The following SPSB1 variants were observed in gnomAD, a reference collection of about 807,000 sequenced individuals.
SPSB1 encodes SPRY domain-containing SOCS box protein 1.
In SPSB1, 8 loss-of-function variants were observed where a neutral mutation model predicts 21.2. The ratio of observed to expected loss-of-function variants is 0.38; its 90% CI spans 0.22 to 0.68. SPSB1 has a LOEUF of 0.68. SPSB1 is among the 30% of genes least tolerant of loss of function. The pLI, the probability that SPSB1 is intolerant of heterozygous loss-of-function variation, is 0.53. For synonymous variants in SPSB1, 169 were observed against 161.7 expected (o/e 1.05, Z -0.34); for missense variants, 242 against 377.8 (o/e 0.64, Z 2.98).
rs372887775 is a variant in SPSB1 at position 9,293,975 on chromosome 1, AGTGT to A, written c.-150+912_-150+915del. Among the ~76,000 whole-genome samples the A allele has an allele frequency of 1.3e-5, 2 of 149,166 alleles. No individual in the cohort carries two copies. Among genetic ancestry groups the A allele is most frequent in the Non-Finnish European group, 3.0e-5 (2 of 67,104 alleles). On this transcript the variant is annotated intron_variant, in intron 1 of 2. Transcript: ENST00000328089. This position sits in a 1 kb window ranked among gnomAD's most constrained non-coding sequence, Gnocchi z 5.1. ...GCATCTGTGTATTTATGTGCCTCTG[AGTGT>A]GTGTGTGAGTCTGTGTGTCTGTCAA...
intron 1 of SPSB1, among the ~76,000 whole-genome samples, chr1:9,352,518 C>T (rs546755351): frequency 1.3e-5 from 2 of 152,334 alleles, no homozygotes; most frequent in African/African-American, 4.8e-5. Flanking sequence ...ACAGCAGAGA[C>T]TGTCTGGCCC....
chr1:9,334,872 A>C (rs553088076), intron 1 of SPSB1, among the ~76,000 whole-genome samples: 1 of 152,360 alleles, frequency 6.6e-6, no homozygotes, highest in East Asian at 1.9e-4. Flanking sequence ...ATGTATCAAA[A>C]TGTCCTTCCG....
intron 1 of SPSB1, among the ~76,000 whole-genome samples, chr1:9,343,990 G>C (rs201449650): frequency 2.6e-5 from 4 of 152,072 alleles, no homozygotes; most frequent in Non-Finnish European, 5.9e-5. Context: ...GGGTTTCACC[G>C]TGTTAGCCAG....
At chr1:9,306,922 CT>C (rs148338920) in intron 1 of SPSB1, among the ~76,000 whole-genome samples, 1 of 133,186 alleles carries the variant, frequency 7.5e-6, no homozygotes, top group Non-Finnish European at 1.7e-5. Flanking sequence ...TACTTTTCTT[CT>C]TTTCTTCTTT....
At chr1:9,331,371 C>A (rs1002384771) in intron 1 of SPSB1, among the ~76,000 whole-genome samples, 11 of 118,774 alleles carry the variant, frequency 9.3e-5, no homozygotes, top group African/African-American at 3.7e-4. Flanking sequence ...ACTCTTGTTG[C>A]CCAGGCTGGA....
chr1:9,329,303 TGGACAGGC>T (rs1639875349), intron 1 of SPSB1, among the ~76,000 whole-genome samples: 1 of 151,682 alleles, frequency 6.6e-6, no homozygotes, highest in African/African-American at 2.4e-5. Flanking sequence ...GGTGGACAGG[TGGACAGGC>T]GGATGGGTGG....
At position 9,317,057 on chromosome 1, in the gene SPSB1, G is replaced by A. The variant is rs574746070; in HGVS notation, c.-150+23986G>A. 6.6e-6 allele frequency among the ~76,000 whole-genome samples: 1 copy of A among 152,212 alleles called. No homozygotes were observed. Among genetic ancestry groups the A allele is most frequent in the African/African-American group, 2.4e-5 (1 of 41,456 alleles). On this transcript the variant is annotated intron_variant, in intron 1 of 2. Transcript: ENST00000328089. This position sits in a 1 kb window ranked among gnomAD's most constrained non-coding sequence, Gnocchi z 4.3. ...GAATTTAGAATCCTTAACCTGGCCT[G>A]TGAGGGTTTGCTTCCGGTGCTCTCG...
intron 1 of SPSB1, among the ~76,000 whole-genome samples, chr1:9,304,422 C>G (rs577374846): frequency 2.0e-5 from 3 of 152,276 alleles, no homozygotes; most frequent in African/African-American, 7.2e-5. Context: ...ATGGGTTTTG[C>G]ATCTCTGGAG....
In SPSB1 at chr1:9,305,495, G is replaced by A. The variant is rs1639395898; in HGVS notation, c.-150+12424G>A. The stretch of plus-strand genomic sequence containing the variant: ...GTAGTTAGGTCCACAGTAGGTTCTT[G>A]GACACCTGTCGGATGAAGGAGTAGG... On this transcript the variant is annotated intron_variant, in intron 1 of 2. Transcript: ENST00000328089. The surrounding 1 kb of genome is among the most constrained non-coding windows in gnomAD (Gnocchi z 4.8). Among the ~76,000 whole-genome samples the A allele has an allele frequency of 6.6e-6, 1 of 151,978 alleles. No individual in the cohort carries two copies. Among genetic ancestry groups the A allele is most frequent in the African/African-American group, 2.4e-5 (1 of 41,330 alleles).
chr1:9,362,049 C>G (rs991588600), intron 2 of SPSB1, among the ~76,000 whole-genome samples: 1 of 152,234 alleles, frequency 6.6e-6, no homozygotes, highest in African/African-American at 2.4e-5. Flanking sequence ...GTTGAAGGTT[C>G]AGGGAAGGTC....
At chr1:9,351,021 C>A (rs912470735) in intron 1 of SPSB1, among the ~76,000 whole-genome samples, 6 of 152,246 alleles carry the variant, frequency 3.9e-5, no homozygotes, top group African/African-American at 1.4e-4. Flanking sequence ...GGGTGGTACA[C>A]ACCCCCTGTC....
chr1:9,327,991 G>A (rs1639844206), intron 1 of SPSB1, among the ~76,000 whole-genome samples: 1 of 152,242 alleles, frequency 6.6e-6, no homozygotes, highest in Admixed American at 6.5e-5. Context: ...GACCTTGGAT[G>A]GTGAATGGAG....
chr1:9,321,758 C>T lies in SPSB1; in HGVS notation c.-150+28687C>T, dbSNP rs184152272. Among the ~76,000 whole-genome samples the T allele has an allele frequency of 2.2e-4, 34 of 152,210 alleles. No individual in the cohort carries two copies. The highest frequency in any genetic ancestry group is 3.4e-3 in the Middle Eastern group (1 of 294). On this transcript the variant is annotated intron_variant, in intron 1 of 2. Transcript: ENST00000328089. This position sits in a 1 kb window ranked among gnomAD's most constrained non-coding sequence, Gnocchi z 4.8. ...AGATGTGAATCACATGACTCTGAGT[C>T]GGTGGAGGAGGAGGACTCTGAGAGG...
At chr1:9,329,198 C>G (rs1639873530) in intron 1 of SPSB1, among the ~76,000 whole-genome samples, 2 of 152,084 alleles carry the variant, frequency 1.3e-5, no homozygotes, top group African/African-American at 4.8e-5. Flanking sequence ...GTGGTTCAGT[C>G]TGCATGGGGC....
At position 9,346,113 on chromosome 1, in the gene SPSB1, T is replaced by A. The variant is rs1040620864; in HGVS notation, c.-149-9630T>A. Among the ~76,000 whole-genome samples, 6 of 152,226 alleles carry A rather than the reference T, an allele frequency of 3.9e-5. No individual in the cohort carries two copies. The highest frequency in any genetic ancestry group is 8.8e-5 in the Non-Finnish European group (6 of 68,042). ...AGCGGCTGAGCCAGGCTGCAGAGATTGATTCTGATAAAATAGCAGATTGCT... is the reference window on the plus strand; with the variant it reads ...AGCGGCTGAGCCAGGCTGCAGAGATAGATTCTGATAAAATAGCAGATTGCT... On this transcript the variant is annotated intron_variant, in intron 1 of 2. Coordinates refer to ENST00000328089, the MANE Select transcript of SPSB1 (RefSeq NM_025106.4). This position sits in a 1 kb window ranked among gnomAD's most constrained non-coding sequence, Gnocchi z 4.4.
chr1:9,322,787 G>C (rs1639741110), intron 1 of SPSB1, among the ~76,000 whole-genome samples: 1 of 152,200 alleles, frequency 6.6e-6, no homozygotes, highest in Admixed American at 6.5e-5. Context: ...GTTCTGGCCG[G>C]TCTGATGGTC....
chr1:9,327,572 G>A (rs768410523), intron 1 of SPSB1, among the ~76,000 whole-genome samples: 25 of 152,082 alleles, frequency 1.6e-4, no homozygotes, highest in Non-Finnish European at 2.8e-4. Context: ...ACTTGTCTGT[G>A]CTTGGGGAGC....
At position 9,363,807 on chromosome 1, in the gene SPSB1, C is replaced by T. The variant is rs562246006; in HGVS notation, c.695-3641C>T. ...CCTCTGCCTCCCAGGTTCAAGCAAT[C>T]CTCCTGCCTCAAACTCCCAAGTAGC... On this transcript the variant is annotated intron_variant, in intron 2 of 2. Coordinates refer to ENST00000328089, the MANE Select transcript of SPSB1 (RefSeq NM_025106.4). This position sits in a 1 kb window ranked among gnomAD's most constrained non-coding sequence, Gnocchi z 4.5. Among the ~76,000 whole-genome samples, 1 of 152,172 alleles carries T rather than the reference C, an allele frequency of 6.6e-6. No homozygotes were observed. The highest frequency in any genetic ancestry group is 6.5e-5 in the Admixed American group (1 of 15,294).
intron 1 of SPSB1, among the ~76,000 whole-genome samples, chr1:9,341,398 C>T (rs1640088857): frequency 6.6e-6 from 1 of 152,222 alleles, no homozygotes; most frequent in African/African-American, 2.4e-5. Flanking sequence ...TTGGGTGTTG[C>T]CTGCCTCCCC....
Sources: gnomAD v4.1 joint callset for allele counts (sites outside exome capture counted in the v4.1 genomes callset) on GRCh38, gnomAD v4.1.1 for gene constraint, Gnocchi (gnomAD v3.1) non-coding constraint, MANE v1.5 for transcripts, NCBI Gene and HGNC (gene_info 2026-07-23, HGNC 2026-07-21) for gene names.